SMG1: variants seen among roughly 807,000 people sequenced by gnomAD.
The protein encoded by SMG1 is SMG1 nonsense mediated mRNA decay associated PI3K related kinase, also known as serine/threonine-protein kinase SMG1.
Under a neutral mutation model 419.9 loss-of-function variants are expected in SMG1, and 22 were observed. The observed-to-expected ratio is 0.05, with a 90% CI of 0.04 to 0.07. The LOEUF is 0.07. SMG1 is among the 10% of genes least tolerant of loss of function. The pLI is 1.00. For missense variants in SMG1, 3,185 were observed against 4,342.0 expected (o/e 0.73, Z 7.49); for synonymous variants, 1,538 against 1,553.5 (o/e 0.99, Z 0.23).
intron 55 of SMG1, among the ~76,000 whole-genome samples, chr16:18,826,822 G>A (rs1178495957): frequency 2.7e-5 from 1 of 37,598 alleles, no homozygotes; most frequent in Non-Finnish European, 6.2e-5. Flanking sequence ...GTTTACCTAA[G>A]CAAGCCTGGG....
chr16:18,815,419 C>A, intron 59 of SMG1, 21 bp downstream of exon 59: 1 of 1,611,552 alleles, frequency 6.2e-7, no homozygotes, highest in Non-Finnish European at 8.5e-7. Context: ...TTTATAAATT[C>A]TGACCAGAAG....
At chr16:18,893,271 A>C (rs1413921570) in intron 3 of SMG1, among the ~76,000 whole-genome samples, 1 of 152,228 alleles carries the variant, frequency 6.6e-6, no homozygotes, top group African/African-American at 2.4e-5. Flanking sequence ...CTTATTTTTT[A>C]ATCACAAGAA....
chr16:18,843,692 A>G (rs776416887), intron 39 of SMG1, among the ~76,000 whole-genome samples: 2 of 152,206 alleles, frequency 1.3e-5, no homozygotes, highest in African/African-American at 2.4e-5. Flanking sequence ...CAGTAAAAAG[A>G]AGTAGACGTA....
At position 18,839,787 on chromosome 16, in the gene SMG1, C is replaced by G; in HGVS notation, c.6856G>C (p.Glu2286Gln). 6.2e-7 allele frequency: 1 copy of G among 1,613,978 alleles called. No individual in the cohort carries two copies. ...PLHVMKAVLE[E>Q]LMEATPPNLL... ...TTCGGGGGTGTGGCCTCCATTAACT[C>G]TTCCAATACTGCCTTCATTACATGA... The change falls in exon 42 of 63, where the codon GAG (glutamate) becomes CAG (glutamine). Residue 2286 changes from glutamate to glutamine, a missense_variant. Transcript: ENST00000446231.
rs1416603872 is a variant in SMG1, at chr16:18,835,129, G to A, written c.8093C>T (p.Thr2698Ile). Residue 2698 changes from threonine to isoleucine, a missense_variant, in exon 49 of 63, where the codon ACA becomes ATA. Coordinates refer to ENST00000446231, the MANE Select transcript of SMG1 (RefSeq NM_015092.5). ...EMQYAPQPPPTVCQFITATEM... is the reference protein window; with the variant it reads ...EMQYAPQPPPIVCQFITATEM... ...AGTGGCAGTGATGAACTGACACACT[G>A]TTGGGGGTGGCTGGGGAGCATATTG... 1.9e-6 allele frequency: 3 copies of A among 1,612,700 alleles called. No individual in the cohort carries two copies. The highest frequency in any genetic ancestry group is 2.5e-6 in the Non-Finnish European group (3 of 1,178,864).
At chr16:18,892,420 C>A (rs2036925188) in intron 3 of SMG1, 66 bp from the exon 4 acceptor site, 2 of 1,296,572 alleles carry the variant, frequency 1.5e-6, no homozygotes, top group South Asian at 3.0e-5. Context: ...TTAAATTTTT[C>A]AAATTAAAAA....
intron 1 of SMG1, among the ~76,000 whole-genome samples, chr16:18,919,952 C>T (rs955095266): frequency 2.0e-5 from 3 of 151,288 alleles, no homozygotes; most frequent in Non-Finnish European, 3.0e-5. Flanking sequence ...TTAGCCGGGC[C>T]TGGTGACATG....
intron 18 of SMG1, among the ~76,000 whole-genome samples, chr16:18,870,386 T>C (rs1177601454): frequency 6.6e-6 from 1 of 152,216 alleles, no homozygotes; most frequent in Admixed American, 6.5e-5. Flanking sequence ...ACATGAGTTA[T>C]TCTATACTAA....
rs2034357254 is a variant in SMG1, at chr16:18,847,849, C to T, written c.5808G>A (p.Lys1936=). The T allele has an allele frequency of 6.2e-7, 1 of 1,614,014 alleles. No homozygotes were observed. The highest frequency in any genetic ancestry group is 2.2e-5 in the East Asian group (1 of 44,890). ...CCATGGTGGGGTTTGCAGAGGACAG[C>T]TTATCTACAATTTTGCTGTAACAAT... ...MQDCYSKIVD[K]LSSANPTMVL... The change falls in exon 37 of 63, where the codon AAG becomes AAA. Residue 1936 remains lysine, a synonymous_variant. Coordinates refer to ENST00000446231, the MANE Select transcript of SMG1 (RefSeq NM_015092.5).
intron 48 of SMG1, 90 bp downstream of exon 48, chr16:18,835,843 G>A (rs1368055443): frequency 7.7e-7 from 1 of 1,300,980 alleles, no homozygotes; most frequent in African/African-American, 1.5e-5. Flanking sequence ...AGGTTGCAGT[G>A]AGCCAAGATC....
chr16:18,917,811 A>G (rs1447012453), intron 1 of SMG1, among the ~76,000 whole-genome samples: 1 of 151,130 alleles, frequency 6.6e-6, no homozygotes, highest in East Asian at 2.0e-4. Flanking sequence ...TCCCCACCTC[A>G]GGAGATCCAC....
chr16:18,916,513 CAAA>C (rs59985733), intron 1 of SMG1, among the ~76,000 whole-genome samples: 11,631 of 69,604 alleles, frequency 0.17, 607 homozygotes, highest in African/African-American at 0.28. Context: ...GACTCCATCT[CAAA>C]AAAAAAAAAA....
At chr16:18,867,595 C>T (rs1379577284) in intron 22 of SMG1, among the ~76,000 whole-genome samples, 6 of 151,146 alleles carry the variant, frequency 4.0e-5, no homozygotes, top group Non-Finnish European at 7.4e-5. Context: ...ATTTTCAGAA[C>T]TACCTTTAAA....
chr16:18,923,658 C>T (rs1341039243), intron 1 of SMG1, among the ~76,000 whole-genome samples: 1 of 151,576 alleles, frequency 6.6e-6, no homozygotes, highest in Non-Finnish European at 1.5e-5. Context: ...AAAAGGCCTA[C>T]ATCAAGGAAA....
intron 13 of SMG1, among the ~76,000 whole-genome samples, chr16:18,873,365 G>A (rs1324128632): frequency 3.3e-5 from 5 of 152,004 alleles, no homozygotes; most frequent in African/African-American, 9.7e-5. Flanking sequence ...GATTACAGGC[G>A]CCCATCACCA....
Position 18,809,158 on chromosome 16 carries a change from CTCTGTT to C in SMG1, c.*405_*410del, listed in dbSNP as rs2031132901. 6.1e-6 allele frequency: 1 copy of C among 164,158 alleles called. No individual in the cohort carries two copies. Among genetic ancestry groups the C allele is most frequent in the African/African-American group, 2.4e-5 (1 of 41,796 alleles). 10.2% of individuals were successfully genotyped at this position (164,158 alleles called of 1,614,324 possible). On this transcript the variant is annotated 3_prime_UTR_variant, in exon 63 of 63. Transcript: ENST00000446231. Reference sequence around the variant, plus strand: ...GTGATTTCTTCGCGACCCCAGTTTTCTCTGTTTCTGAGTGGGGTTTGTTTTTTTCCT... The same window carrying C: ...GTGATTTCTTCGCGACCCCAGTTTTCTCTGAGTGGGGTTTGTTTTTTTCCT...
In SMG1 at chr16:18,845,626, C is replaced by T. The variant is rs1196161735; in HGVS notation, c.6022G>A (p.Glu2008Lys). ...RKEEKIAIMREKHTALMKPIV... is the reference protein window; with the variant it reads ...RKEEKIAIMRKKHTALMKPIV... Reference sequence around the variant, plus strand: ...GGCTTCATCAAAGCTGTGTGCTTCTCCCTCATGATTGCAATTTTCTCTTCT... The same window carrying T: ...GGCTTCATCAAAGCTGTGTGCTTCTTCCTCATGATTGCAATTTTCTCTTCT... Residue 2008 changes from glutamate to lysine, a missense_variant, in exon 39 of 63, where the codon GAG becomes AAG. Glu to Lys is a moderately conservative substitution (Grantham distance 56, BLOSUM62 1). Around this residue, in one of 27 missense-constraint regions of SMG1, gnomAD observed 159 missense variants for 196.0 expected, o/e 0.81. Coordinates refer to ENST00000446231, the MANE Select transcript of SMG1 (RefSeq NM_015092.5). 6.2e-7 allele frequency: 1 copy of T among 1,611,196 alleles called. No homozygotes were observed. The highest frequency in any genetic ancestry group is 8.5e-7 in the Non-Finnish European group (1 of 1,179,004).
At position 18,828,173 on chromosome 16, in the gene SMG1, T is replaced by C. The variant is rs1351155060; in HGVS notation, c.9604-5A>G. ...AAGTAGATCTTCATGTTGCCACTGT[T>C]GAGAGAAAAAGAAATGTATTAAAAT... On this transcript the variant is annotated splice_polypyrimidine_tract_variant and splice_region_variant and intron_variant, in intron 54 of 62. Transcript: ENST00000446231. 5 of 1,612,448 alleles carry C rather than the reference T, an allele frequency of 3.1e-6. No homozygotes were observed. In the African/African-American group the frequency reaches 6.7e-5, roughly 22 times the overall value.
chr16:18,900,280 G>A (rs988929823), intron 1 of SMG1, among the ~76,000 whole-genome samples: 4 of 152,122 alleles, frequency 2.6e-5, no homozygotes, highest in African/African-American at 9.7e-5. Flanking sequence ...AATGTTAACT[G>A]TAACATACAA....
Sources: allele counts gnomAD v4.1 joint callset (sites outside exome capture counted in the v4.1 genomes callset), GRCh38; gene constraint gnomAD v4.1.1; regional missense constraint gnomAD v4.1.1; transcripts MANE v1.5; gene names NCBI Gene and HGNC (gene_info 2026-07-23, HGNC 2026-07-21).